Variants in NUP205 observed in about 807,000 individuals in gnomAD.
NUP205 encodes the protein nuclear pore complex protein Nup205.
A neutral mutation model predicts 253.8 loss-of-function variants in NUP205; 76 were observed. That is an observed-to-expected ratio of 0.30 (90% CI 0.25 to 0.36). The LOEUF is 0.36. Among genes scored for constraint, NUP205 ranks in the 10% least tolerant of loss-of-function variants. NUP205 has a pLI of 1.00. For missense variants in NUP205, 2,162 were observed against 2,425.5 expected (o/e 0.89, Z 2.28); for synonymous variants, 832 against 850.1 (o/e 0.98, Z 0.37).
At chr7:135,587,062 T>G (rs1268987925) in intron 8 of NUP205, among the ~76,000 whole-genome samples, 1 of 152,212 alleles carries the variant, frequency 6.6e-6, no homozygotes, top group Non-Finnish European at 1.5e-5. Context: ...TATGTTTTTT[T>G]TTTTTTTAAC....
At chr7:135,613,564 G>C (rs754506575) in intron 22 of NUP205, among the ~76,000 whole-genome samples, 7 of 149,996 alleles carry the variant, frequency 4.7e-5, no homozygotes, top group Non-Finnish European at 8.9e-5. Flanking sequence ...TTGAGACAGG[G>C]TCTTGCCCTG....
chr7:135,565,408 C>T (rs980079749), intron 1 of NUP205, among the ~76,000 whole-genome samples: 3 of 151,860 alleles, frequency 2.0e-5, no homozygotes, highest in African/African-American at 7.3e-5. Flanking sequence ...CTGTACTGCC[C>T]TCATCCTAGT....
intron 36 of NUP205, among the ~76,000 whole-genome samples, chr7:135,636,527 T>G (rs1329913608): frequency 6.6e-6 from 1 of 152,088 alleles, no homozygotes; most frequent in Non-Finnish European, 1.5e-5. Context: ...AAGTCATCTT[T>G]TATTGGTATG....
chr7:135,626,211 C>T (rs1794585240), intron 32 of NUP205, 29 bp from the exon 33 acceptor site: 1 of 1,613,110 alleles, frequency 6.2e-7, no homozygotes, highest in Admixed American at 1.7e-5. Context: ...GATTTCAGCA[C>T]TGATGATTTT....
chr7:135,565,252 G>A lies in NUP205; in HGVS notation c.29-5853G>A, dbSNP rs538116131. ...AGGGAGAGAAAATTAACTTTTGTCA[G>A]CACTTTATCAGATTTCTGAAATGTC... On this transcript the variant is annotated intron_variant, in intron 1 of 42. Coordinates refer to ENST00000285968, the MANE Select transcript of NUP205 (RefSeq NM_015135.3). Among the ~76,000 whole-genome samples, 4 of 152,186 alleles carry A rather than the reference G, an allele frequency of 2.6e-5. No individual in the cohort carries two copies. The East Asian group carries it at 7.7e-4, about 29-fold the overall frequency.
At chr7:135,612,699 A>C (rs959966399) in intron 22 of NUP205, among the ~76,000 whole-genome samples, 10 of 152,206 alleles carry the variant, frequency 6.6e-5, no homozygotes, top group African/African-American at 2.2e-4. Flanking sequence ...CCATGGAAGC[A>C]CTGCAAGTAT....
At chr7:135,642,732 A>G (rs1794936411) in intron 38 of NUP205, among the ~76,000 whole-genome samples, 1 of 152,236 alleles carries the variant, frequency 6.6e-6, no homozygotes, top group African/African-American at 2.4e-5. Flanking sequence ...GTAACCAGAA[A>G]GATGCAGACC....
intron 1 of NUP205, among the ~76,000 whole-genome samples, chr7:135,563,717 G>T (rs1805661420): frequency 6.6e-6 from 1 of 152,076 alleles, no homozygotes; most frequent in Non-Finnish European, 1.5e-5. Flanking sequence ...CAGTAAAAAA[G>T]ATATTTACTG....
intron 25 of NUP205, among the ~76,000 whole-genome samples, 176 bp downstream of exon 25, chr7:135,616,902 GAA>G (rs930433324): frequency 6.6e-6 from 1 of 151,986 alleles, no homozygotes; most frequent in African/African-American, 2.4e-5. Flanking sequence ...CAAAAGGAAA[GAA>G]AATATTTTTG....
At position 135,626,269 on chromosome 7, in the gene NUP205, G is replaced by A. The variant is rs766576405; in HGVS notation, c.4701G>A (p.Gln1567=). The A allele has an allele frequency of 1.9e-5, 30 of 1,614,084 alleles. No individual in the cohort carries two copies. The highest frequency in any genetic ancestry group is 2.5e-5 in the Non-Finnish European group (30 of 1,179,974). ...TTCTCACAAGAGTGGCAAAGATACAGCAGGGTGCATTAGAGCTGCTAAGAT... is the reference window on the plus strand; with the variant it reads ...TTCTCACAAGAGTGGCAAAGATACAACAGGGTGCATTAGAGCTGCTAAGAT... ...MAFLTRVAKI[Q]QGALELLRSG... is the part of the protein sequence containing the mutation. Residue 1567 remains glutamine, a synonymous_variant, in exon 33 of 43, where the codon CAG becomes CAA. Transcript: ENST00000285968.
In NUP205 at chr7:135,648,635, A is replaced by C. The variant is rs572620563; in HGVS notation, c.*79A>C. On this transcript the variant is annotated 3_prime_UTR_variant, in exon 43 of 43. Transcript: ENST00000285968. ...CATTTTATAGATTAGTTTCTTTCTAAATTATGACCAAAAATATTTTGCTAT... is the reference window on the plus strand; with the variant it reads ...CATTTTATAGATTAGTTTCTTTCTACATTATGACCAAAAATATTTTGCTAT... The C allele has an allele frequency of 4.4e-6, 5 of 1,149,042 alleles. No homozygotes were observed. In the South Asian group the frequency reaches 1.1e-4, roughly 26 times the overall value. The allele number at this position is 1,149,042 out of a possible 1,614,324, so 71.2% of individuals were successfully genotyped here.
intron 26 of NUP205, 71 bp from the exon 27 acceptor site, chr7:135,617,531 T>C (rs543287367): frequency 8.7e-7 from 1 of 1,150,914 alleles, no homozygotes; most frequent in South Asian, 1.3e-5. Context: ...CAGTTTATGG[T>C]AATTGCTAGG....
intron 42 of NUP205, 123 bp downstream of exon 42, chr7:135,646,354 G>C (rs542683376): frequency 1.4e-6 from 1 of 727,840 alleles, no homozygotes; most frequent in East Asian, 2.7e-5. Flanking sequence ...CTTGAGCCCA[G>C]GAGTTTGAGA....
intron 22 of NUP205, 45 bp downstream of exon 22, chr7:135,607,416 G>A: frequency 1.2e-6 from 2 of 1,600,312 alleles, no homozygotes; most frequent in Admixed American, 1.7e-5. Context: ...GAAGAAACTT[G>A]ACCAGGTGCA....
At chr7:135,594,380 A>G (rs1046914427) in intron 12 of NUP205, among the ~76,000 whole-genome samples, 167 bp from the exon 13 acceptor site, 1 of 152,248 alleles carries the variant, frequency 6.6e-6, no homozygotes, top group Admixed American at 6.5e-5. Context: ...GAGTGATCTG[A>G]TTTGATGTGT....
Position 135,606,892 on chromosome 7 carries a change from G to C in NUP205, c.3047G>C (p.Ser1016Thr), listed in dbSNP as rs371177222. ...GGCTTTGAATTGAAAAAACCTGTCA[G>C]TACTACAAACCTACAAGATCCAGGT... ...LLGFELKKPV[S>T]TTNLQDPGVL... Residue 1016 changes from serine (S) to threonine (T), a missense_variant, in exon 21 of 43, where the codon AGT becomes ACT. Physicochemically the swap from Ser to Thr is moderately conservative, Grantham distance 58. Coordinates refer to ENST00000285968, the MANE Select transcript of NUP205 (RefSeq NM_015135.3). 1.9e-6 allele frequency: 3 copies of C among 1,613,940 alleles called. No homozygotes were observed. Among genetic ancestry groups the C allele is most frequent in the Non-Finnish European group, 8.5e-7 (1 of 1,179,910 alleles).
At chr7:135,587,392 C>T (rs1289863399) in intron 8 of NUP205, among the ~76,000 whole-genome samples, 183 bp from the exon 9 acceptor site, 3 of 152,082 alleles carry the variant, frequency 2.0e-5, no homozygotes, top group Admixed American at 1.3e-4. Flanking sequence ...AGATATTATA[C>T]ATTATGGGTA....
In NUP205 at chr7:135,616,701, C is replaced by T. The variant is rs1263755981; in HGVS notation, c.3507C>T (p.Phe1169=). 6.4e-7 allele frequency: 1 copy of T among 1,569,646 alleles called. No homozygotes were observed. The highest frequency in any genetic ancestry group is 8.6e-7 in the Non-Finnish European group (1 of 1,162,304). Residue 1169 remains phenylalanine, a synonymous_variant, in exon 25 of 43, where the codon TTC becomes TTT. Transcript: ENST00000285968. ...ATGAAAACAGGTCTGTTTCTGGGTTCCTTCACTTTGACACTGCTACAAAAG... is the reference window on the plus strand; with the variant it reads ...ATGAAAACAGGTCTGTTTCTGGGTTTCTTCACTTTGACACTGCTACAAAAG... ...IEDENRSVSG[F]LHFDTATKVR...
intron 7 of NUP205, 80 bp from the exon 8 acceptor site, chr7:135,584,752 A>G (rs1001603874): frequency 5.7e-6 from 7 of 1,227,156 alleles, no homozygotes; most frequent in Middle Eastern, 1.9e-4. Flanking sequence ...CTGAACCATC[A>G]GCAGAGTATT....
Sources: gnomAD v4.1 joint callset for allele counts (sites outside exome capture counted in the v4.1 genomes callset) on GRCh38, gnomAD v4.1.1 for gene constraint, MANE v1.5 for transcripts, NCBI Gene and HGNC (gene_info 2026-07-23, HGNC 2026-07-21) for gene names.